IL1RAPL1: variants seen among roughly 807,000 people sequenced by gnomAD.
The protein encoded by IL1RAPL1 is interleukin 1 receptor accessory protein like 1.
In IL1RAPL1, 3 loss-of-function variants were observed where a neutral mutation model predicts 48.4. That is an observed-to-expected ratio of 0.06 (90% CI 0.03 to 0.16). IL1RAPL1 has a LOEUF of 0.16. Ranked by LOEUF, IL1RAPL1 falls within the 10% of genes least tolerant of loss-of-function variation. IL1RAPL1 has a pLI of 1.00. For synonymous variants in IL1RAPL1, 185 were observed against 187.7 expected (o/e 0.99, Z 0.12); for missense variants, 349 against 530.6 (o/e 0.66, Z 3.36).
chrX:28,877,317 A>T (rs1922399714), intron 2 of IL1RAPL1, among the ~76,000 whole-genome samples: 1 of 112,640 alleles, frequency 8.9e-6, no homozygotes, highest in Non-Finnish European at 1.9e-5. Flanking sequence ...GAATAAGGCC[A>T]TCTATTTAGC....
intron 1 of IL1RAPL1, among the ~76,000 whole-genome samples, chrX:28,681,198 A>ACAT (rs1441934862): frequency 5.4e-5 from 6 of 110,850 alleles, no homozygotes; most frequent in Non-Finnish European, 1.1e-4. Context: ...TAGTTTTTTG[A>ACAT]CATATAATTC....
intron 6 of IL1RAPL1, among the ~76,000 whole-genome samples, chrX:29,671,112 T>C (rs1206403277): frequency 8.9e-6 from 1 of 112,309 alleles, no homozygotes; most frequent in Non-Finnish European, 1.9e-5. Flanking sequence ...CCCTAGTAAC[T>C]GTGTGTCCAT....
chrX:28,882,137 A>AAT (rs990350093), intron 2 of IL1RAPL1, among the ~76,000 whole-genome samples: 53 of 109,725 alleles, frequency 4.8e-4, no homozygotes, highest in Admixed American at 3.3e-3. Context: ...AAATTAAAAA[A>AAT]ATATATATAT....
At chrX:29,286,993 T>C (rs1219089866) in intron 3 of IL1RAPL1, among the ~76,000 whole-genome samples, 1 of 111,150 alleles carries the variant, frequency 9.0e-6, no homozygotes, top group Non-Finnish European at 1.9e-5. Context: ...TACAATATCA[T>C]AATCGGGATA....
chrX:29,077,324 G>T (rs1318820378), intron 2 of IL1RAPL1, among the ~76,000 whole-genome samples: 1 of 111,519 alleles, frequency 9.0e-6, no homozygotes, highest in African/African-American at 3.3e-5. Context: ...TATCAAATAG[G>T]CCAGGCACGG....
chrX:29,234,883 T>C (rs1931262379), intron 2 of IL1RAPL1, among the ~76,000 whole-genome samples: 1 of 112,563 alleles, frequency 8.9e-6, no homozygotes, highest in Non-Finnish European at 1.9e-5. Context: ...GCCTGGCCTA[T>C]GCAATAGATC....
intron 2 of IL1RAPL1, among the ~76,000 whole-genome samples, chrX:28,960,988 C>A (rs904822134): frequency 1.3e-5 from 1 of 76,370 alleles, no homozygotes; most frequent in African/African-American, 5.5e-5. Context: ...CCAGCCTGGG[C>A]GACAGAGCGA....
chrX:29,198,383 G>A (rs1480797029), intron 2 of IL1RAPL1, among the ~76,000 whole-genome samples: 1 of 108,757 alleles, frequency 9.2e-6, no homozygotes, highest in Non-Finnish European at 1.9e-5. Flanking sequence ...TGCAGTCACC[G>A]CCTCCCAGGT....
chrX:28,913,833 G>A (rs1190168591), intron 2 of IL1RAPL1, among the ~76,000 whole-genome samples: 1 of 111,745 alleles, frequency 8.9e-6, no homozygotes, highest in Non-Finnish European at 1.9e-5. Context: ...GTTCAGCTCT[G>A]GCTATATGAC....
intron 2 of IL1RAPL1, among the ~76,000 whole-genome samples, chrX:29,150,058 T>A (rs1336638139): frequency 8.9e-6 from 1 of 111,997 alleles, no homozygotes; most frequent in Non-Finnish European, 1.9e-5. Flanking sequence ...GCTTTGACCA[T>A]CATTTAGAAA....
At chrX:28,789,582 T>C (rs776797562) in intron 2 of IL1RAPL1, among the ~76,000 whole-genome samples, 157 bp downstream of exon 2, 18 of 112,220 alleles carry the variant, frequency 1.6e-4, no homozygotes, top group Non-Finnish European at 3.0e-4. Flanking sequence ...AGCACACTCA[T>C]AGGGAATTAG....
chrX:29,308,774 T>C (rs1311736960), intron 3 of IL1RAPL1, among the ~76,000 whole-genome samples: 1 of 112,212 alleles, frequency 8.9e-6, no homozygotes, highest in Non-Finnish European at 1.9e-5. Context: ...AAATGATCAA[T>C]AGAAAACATT....
At chrX:29,798,861 A>G (rs762676022) in intron 6 of IL1RAPL1, among the ~76,000 whole-genome samples, 16 of 112,250 alleles carry the variant, frequency 1.4e-4, no homozygotes, top group Non-Finnish European at 2.6e-4. Context: ...GATTAAAAAG[A>G]GATTTTGCTT....
intron 6 of IL1RAPL1, among the ~76,000 whole-genome samples, chrX:29,754,456 A>G (rs140133772): frequency 5.1e-4 from 57 of 111,744 alleles, no homozygotes; most frequent in African/African-American, 1.7e-3. Context: ...CCTGTCCATT[A>G]TCACCATTCC....
intron 1 of IL1RAPL1, among the ~76,000 whole-genome samples, 159 bp downstream of exon 1, chrX:28,588,206 ATGTGTGTGTGTGTG>A (rs768348078): frequency 3.9e-3 from 196 of 49,949 alleles, no homozygotes; most frequent in African/African-American, 0.014. Context: ...GTGTGTTGAT[ATGTGTGTGTGTGTG>A]TGTGTGTGTG....
In IL1RAPL1 at chrX:28,782,754, G is replaced by A. The variant is rs187589928; in HGVS notation, c.-24-6566G>A. On this transcript the variant is annotated intron_variant, in intron 1 of 10. Coordinates refer to ENST00000378993, the MANE Select transcript of IL1RAPL1 (RefSeq NM_014271.4). ...TTAATAGCATTTTGAGATTTTAAAC[G>A]GTTTTGGGTTTACTCGTAATTTTCT... Among the ~76,000 whole-genome samples, 36 of 111,017 alleles carry A rather than the reference G, an allele frequency of 3.2e-4. No individual in the cohort carries two copies. The East Asian group carries it at 7.7e-3, about 24-fold the overall frequency.
At chrX:28,821,559 G>A (rs943104790) in intron 2 of IL1RAPL1, among the ~76,000 whole-genome samples, 5 of 111,714 alleles carry the variant, frequency 4.5e-5, no homozygotes, top group African/African-American at 1.6e-4. Context: ...GCAGTACATT[G>A]TGATGTGGGT....
chrX:29,887,973 C>T (rs1224926181), intron 6 of IL1RAPL1, among the ~76,000 whole-genome samples: 1 of 111,293 alleles, frequency 9.0e-6, no homozygotes, highest in Non-Finnish European at 1.9e-5. Flanking sequence ...TAGTACCAAA[C>T]AATTTATAAC....
At chrX:29,419,376 A>G (rs1364560024) in intron 5 of IL1RAPL1, among the ~76,000 whole-genome samples, 1 of 109,405 alleles carries the variant, frequency 9.1e-6, no homozygotes, top group Non-Finnish European at 1.9e-5. Flanking sequence ...GCTGGAGTGC[A>G]ATGGCATGAT....
Sources: allele counts gnomAD v4.1 joint callset (sites outside exome capture counted in the v4.1 genomes callset), GRCh38; gene constraint gnomAD v4.1.1; transcripts MANE v1.5; gene names NCBI Gene and HGNC (gene_info 2026-07-23, HGNC 2026-07-21).